PTPRD: variants seen among roughly 807,000 people sequenced by gnomAD.
The protein encoded by PTPRD is receptor-type tyrosine-protein phosphatase delta.
Under a neutral mutation model 214.5 loss-of-function variants are expected in PTPRD, and 34 were observed. The observed-to-expected ratio is 0.16, with a 90% CI of 0.12 to 0.21. PTPRD has a LOEUF of 0.21. Among genes scored for constraint, PTPRD ranks in the 10% least tolerant of loss-of-function variants. The pLI is 1.00. For synonymous variants in PTPRD, 1,128 were observed against 845.7 expected (o/e 1.33, Z -5.79); for missense variants, 2,545 against 2,398.7 (o/e 1.06, Z -1.27).
At chr9:9,749,784 G>T (rs1238727854) in intron 6 of PTPRD, among the ~76,000 whole-genome samples, 1 of 152,118 alleles carries the variant, frequency 6.6e-6, no homozygotes, top group African/African-American at 2.4e-5. Flanking sequence ...ATAGTTATTA[G>T]AACAACTCTC....
chr9:8,673,342 C>T (rs936462768), intron 12 of PTPRD, among the ~76,000 whole-genome samples: 1 of 152,160 alleles, frequency 6.6e-6, no homozygotes, highest in East Asian at 1.9e-4. Flanking sequence ...CTTGAGTTGG[C>T]TCCATCTGCC....
intron 11 of PTPRD, among the ~76,000 whole-genome samples, chr9:8,934,308 A>C (rs1322277786): frequency 6.8e-6 from 1 of 147,680 alleles, no homozygotes; most frequent in Non-Finnish European, 1.5e-5. Context: ...GAACTACCGA[A>C]ATCAAGCCCT....
intron 11 of PTPRD, among the ~76,000 whole-genome samples, chr9:8,857,356 G>A (rs921849436): frequency 6.6e-6 from 1 of 152,116 alleles, no homozygotes; most frequent in East Asian, 1.9e-4. Flanking sequence ...AGCGGGGGTC[G>A]CACAAATACA....
chr9:10,539,958 C>G (rs1385040466), intron 2 of PTPRD, among the ~76,000 whole-genome samples: 3 of 152,162 alleles, frequency 2.0e-5, no homozygotes, highest in Non-Finnish European at 1.5e-5. Context: ...GTTTTAAATA[C>G]TTCTCTGGAA....
chr9:8,315,954 T>TTTA lies in PTPRD; in HGVS notation c.*1917_*1919dup, dbSNP rs1202703892. The TTTA allele has an allele frequency of 5.3e-5, 12 of 225,812 alleles. No individual in the cohort carries two copies. Among genetic ancestry groups the TTTA allele is most frequent in the African/African-American group, 2.2e-4 (10 of 44,638 alleles). 14.0% of individuals were successfully genotyped at this position (225,812 alleles called of 1,614,324 possible). On this transcript the variant is annotated 3_prime_UTR_variant, in exon 46 of 46. Transcript: ENST00000381196. ...GGGTAAGATACATATATATATATAGTTTATTTCCCCTTTTAGAAAAATCCT... is the reference window on the plus strand; with the variant it reads ...GGGTAAGATACATATATATATATAGTTTATTATTTCCCCTTTTAGAAAAATCCT...
At chr9:10,166,277 GA>G (rs1332008572) in intron 3 of PTPRD, among the ~76,000 whole-genome samples, 3 of 146,730 alleles carry the variant, frequency 2.0e-5, no homozygotes, top group Non-Finnish European at 3.0e-5. Context: ...CACACTGTGA[GA>G]AAAAAAAATT....
intron 8 of PTPRD, among the ~76,000 whole-genome samples, chr9:9,467,088 T>C (rs966868050): frequency 6.6e-6 from 1 of 152,082 alleles, no homozygotes. Context: ...AATACCTATT[T>C]TTTCATTACA....
chr9:8,482,703 T>C (rs1383766386), intron 30 of PTPRD, among the ~76,000 whole-genome samples: 1 of 152,206 alleles, frequency 6.6e-6, no homozygotes, highest in African/African-American at 2.4e-5. Context: ...GTCTAGAGGA[T>C]ATAGTTTTCA....
chr9:10,382,318 CA>C (rs2097841807), intron 2 of PTPRD, among the ~76,000 whole-genome samples: 1 of 151,926 alleles, frequency 6.6e-6, no homozygotes, highest in South Asian at 2.1e-4. Flanking sequence ...AAACACATAT[CA>C]GTCTAGCTTA....
At position 8,507,333 on chromosome 9, in the gene PTPRD, G is replaced by T. The variant is rs374822380; in HGVS notation, c.1645C>A (p.Leu549Met). 6.2e-7 allele frequency: 1 copy of T among 1,613,876 alleles called. No homozygotes were observed. Among genetic ancestry groups the T allele is most frequent in the African/African-American group, 1.3e-5 (1 of 74,926 alleles). Residue 549 changes from leucine (L) to methionine (M), a missense_variant, in exon 22 of 46, where the codon CTG becomes ATG. By Grantham distance (15) the Leu-to-Met change is conservative. Transcript: ENST00000381196. ...PRSDTIANYE[L>M]VYKDGEHGEE... Reference sequence around the variant, plus strand: ...CCATGCTCCCCATCTTTGTAGACCAGTTCATAGTTGGCAATGGTATCTGAA... The same window carrying T: ...CCATGCTCCCCATCTTTGTAGACCATTTCATAGTTGGCAATGGTATCTGAA...
chr9:9,657,554 A>G (rs1232545118), intron 7 of PTPRD, among the ~76,000 whole-genome samples: 1 of 152,222 alleles, frequency 6.6e-6, no homozygotes, highest in African/African-American at 2.4e-5. Context: ...TACCTATGTA[A>G]CAAACATGCA....
intron 36 of PTPRD, among the ~76,000 whole-genome samples, chr9:8,402,828 G>A (rs941645242): frequency 6.6e-6 from 1 of 151,910 alleles, no homozygotes; most frequent in Admixed American, 6.6e-5. Flanking sequence ...TATTATGCCT[G>A]ATCTAGTATT....
chr9:9,003,675 T>A (rs2099435252), intron 11 of PTPRD, among the ~76,000 whole-genome samples: 1 of 152,034 alleles, frequency 6.6e-6, no homozygotes, highest in African/African-American at 2.4e-5. Flanking sequence ...GGCTTTGATA[T>A]CATTAGCAAG....
chr9:9,430,441 C>T (rs140284703), intron 8 of PTPRD, among the ~76,000 whole-genome samples: 15,121 of 149,564 alleles, frequency 0.1, 1,062 homozygotes, highest in Middle Eastern at 0.2. Flanking sequence ...TGTTCATGGA[C>T]AGGAAGAATC....
At chr9:9,681,101 A>G (rs187073814) in intron 7 of PTPRD, among the ~76,000 whole-genome samples, 70 of 152,022 alleles carry the variant, frequency 4.6e-4, no homozygotes, top group Middle Eastern at 3.4e-3. Context: ...TTAGAGTCAA[A>G]TAAATATTTC....
chr9:9,341,877 C>T (rs920969966), intron 9 of PTPRD, among the ~76,000 whole-genome samples: 3 of 152,094 alleles, frequency 2.0e-5, no homozygotes, highest in Non-Finnish European at 4.4e-5. Context: ...GTCGCAATCT[C>T]GACTCACAGC....
intron 8 of PTPRD, among the ~76,000 whole-genome samples, chr9:9,448,894 G>A (rs2091310824): frequency 6.6e-6 from 1 of 151,970 alleles, no homozygotes; most frequent in South Asian, 2.1e-4. Context: ...TCTTCCATCA[G>A]CAACTCACTA....
chr9:10,235,013 T>TAC (rs1485111384), intron 3 of PTPRD, among the ~76,000 whole-genome samples: 1 of 151,938 alleles, frequency 6.6e-6, no homozygotes, highest in East Asian at 1.9e-4. Context: ...GATATATATA[T>TAC]ATAAACACTT....
chr9:10,512,578 G>C (rs1453850090), intron 2 of PTPRD, among the ~76,000 whole-genome samples: 1 of 152,120 alleles, frequency 6.6e-6, no homozygotes. Context: ...AGCAATCAAA[G>C]TTGAACGCAC....
Sources: allele counts gnomAD v4.1 joint callset (sites outside exome capture counted in the v4.1 genomes callset), GRCh38; gene constraint gnomAD v4.1.1; transcripts MANE v1.5; gene names NCBI Gene and HGNC (gene_info 2026-07-23, HGNC 2026-07-21).